Variants in KIAA0586 observed in about 807,000 individuals in gnomAD.
KIAA0586 encodes the protein protein TALPID3.
A neutral mutation model predicts 169.8 loss-of-function variants in KIAA0586; 144 were observed. That is an observed-to-expected ratio of 0.85 (90% CI 0.74 to 0.97). The LOEUF (loss-of-function observed/expected upper bound fraction) is 0.97. KIAA0586 is among the 50% of genes least tolerant of loss of function. The pLI, the probability that KIAA0586 is intolerant of heterozygous loss-of-function variation, is 0.00. For synonymous variants in KIAA0586, 625 were observed against 612.4 expected (o/e 1.02, Z -0.30); for missense variants, 1,854 against 1,823.0 (o/e 1.02, Z -0.31).
chr14:58,537,837 T>C (rs377684786), intron 29 of KIAA0586, among the ~76,000 whole-genome samples: 1,939 of 152,162 alleles, frequency 0.013, 42 homozygotes, highest in African/African-American at 0.041. Context: ...TTAGTAGAGA[T>C]GGGGTTTCAC....
chr14:58,471,033 G>A (rs1018823479), intron 17 of KIAA0586, among the ~76,000 whole-genome samples: 3 of 151,884 alleles, frequency 2.0e-5, no homozygotes, highest in Non-Finnish European at 2.9e-5. Flanking sequence ...TGTATTTTTA[G>A]TAGAGATGGG....
At chr14:58,494,910 G>C (rs1158136853) in intron 26 of KIAA0586, among the ~76,000 whole-genome samples, 2 of 152,160 alleles carry the variant, frequency 1.3e-5, no homozygotes, top group East Asian at 3.9e-4. Context: ...GGGGCAAGCA[G>C]TAATCTCAAA....
chr14:58,448,659 A>T (rs1794995028), intron 7 of KIAA0586, among the ~76,000 whole-genome samples, 166 bp downstream of exon 7: 1 of 151,950 alleles, frequency 6.6e-6, no homozygotes, highest in African/African-American at 2.4e-5. Context: ...TTCTTTTTTT[A>T]AAATTGTGTT....
intron 6 of KIAA0586, among the ~76,000 whole-genome samples, chr14:58,446,224 A>G (rs1184697007): frequency 1.3e-5 from 2 of 151,752 alleles, no homozygotes; most frequent in African/African-American, 2.4e-5. Context: ...GGCTGGGCAC[A>G]GTGGCTCATC....
chr14:58,547,155 TAAA>T (rs60672104), intron 30 of KIAA0586, among the ~76,000 whole-genome samples: 174 of 144,692 alleles, frequency 1.2e-3, no homozygotes, highest in African/African-American at 4.2e-3. Flanking sequence ...TTACCTCTTT[TAAA>T]AAAAAAAAAA....
intron 27 of KIAA0586, among the ~76,000 whole-genome samples, chr14:58,507,253 CATGTATGATTTATAT>C (rs769861860): frequency 2.7e-4 from 39 of 144,520 alleles, no homozygotes; most frequent in South Asian, 1.1e-3. Context: ...ATATATAAAT[CATGTATGATTTATAT>C]ATATGTATGA....
At chr14:58,430,493 G>T (rs1480291388) in intron 2 of KIAA0586, among the ~76,000 whole-genome samples, 155 bp from the exon 3 acceptor site, 1 of 152,060 alleles carries the variant, frequency 6.6e-6, no homozygotes, top group African/African-American at 2.4e-5. Flanking sequence ...GTAGCTTTAA[G>T]GTACATCAGA....
Position 58,427,745 on chromosome 14 carries a change from G to GT in KIAA0586, c.-519dup. ...CTGTTGTCAGATTACACCCACGACG[G>GT]TGCGGGTCTCGGGCGTTCTGGAGAT... On this transcript the variant is annotated 5_prime_UTR_variant, in exon 1 of 31. Coordinates refer to ENST00000652326, the MANE Select transcript of KIAA0586 (RefSeq NM_001329943.3). 6.5e-7 allele frequency: 1 copy of GT among 1,533,550 alleles called. No homozygotes were observed. Among genetic ancestry groups the GT allele is most frequent in the African/African-American group, 1.4e-5 (1 of 73,074 alleles). The allele number at this position is 1,533,550 out of a possible 1,614,324, so 95.0% of individuals were successfully genotyped here. A position where few individuals can be genotyped will look rare whatever the true frequency, so the allele number is the denominator to read the frequency against.
chr14:58,474,868 G>C (rs914864666), intron 19 of KIAA0586, 71 bp downstream of exon 19: 1 of 1,118,676 alleles, frequency 8.9e-7, no homozygotes, highest in Non-Finnish European at 1.3e-6. Flanking sequence ...TTAAAATGTG[G>C]CTGAAAATAT....
At chr14:58,508,516 C>A in intron 27 of KIAA0586, 39 bp from the exon 28 acceptor site, 1 of 1,435,378 alleles carries the variant, frequency 7.0e-7, no homozygotes, top group Non-Finnish European at 9.5e-7. Flanking sequence ...ATAAATTTAA[C>A]ACTTTATTTT....
intron 3 of KIAA0586, among the ~76,000 whole-genome samples, chr14:58,431,820 T>C (rs2037398256): frequency 1.3e-5 from 2 of 152,218 alleles, no homozygotes; most frequent in Non-Finnish European, 2.9e-5. Flanking sequence ...AATTTTATTT[T>C]TTGTGTGCCG....
intron 14 of KIAA0586, chr14:58,463,850 T>A (rs1344029122): frequency 3.8e-6 from 1 of 263,458 alleles, no homozygotes; most frequent in South Asian, 4.2e-5. Context: ...TTAGATACAT[T>A]AAAAAATTAG....
At chr14:58,539,809 C>T (rs1595539000) in intron 29 of KIAA0586, 2 of 281,178 alleles carry the variant, frequency 7.1e-6, no homozygotes, top group Non-Finnish European at 6.6e-6. Context: ...CAGATTTTCT[C>T]ATGACCCTTT....
chr14:58,460,839 G>T (rs553775708), intron 13 of KIAA0586, 147 bp from the exon 14 acceptor site: 1 of 472,242 alleles, frequency 2.1e-6, no homozygotes, highest in African/African-American at 2.0e-5. Context: ...CTGTTATCTA[G>T]AATTTAAGGG....
In KIAA0586 at chr14:58,495,370, C is replaced by T. The variant is rs1464187157; in HGVS notation, c.3990+3095C>T. 1.3e-5 allele frequency among the ~76,000 whole-genome samples: 2 copies of T among 151,946 alleles called. 1 individual carries two copies. Among genetic ancestry groups the T allele is most frequent in the African/African-American group, 4.8e-5 (2 of 41,336 alleles). On this transcript the variant is annotated intron_variant, in intron 26 of 30. Coordinates refer to ENST00000652326, the MANE Select transcript of KIAA0586 (RefSeq NM_001329943.3). Reference sequence around the variant, plus strand: ...TCAGGCTGGAGTGCAGTGGCTCAGTCAGCTCACTGCAGCCTCGAACTCTTG... The same window carrying T: ...TCAGGCTGGAGTGCAGTGGCTCAGTTAGCTCACTGCAGCCTCGAACTCTTG...
chr14:58,523,512 GATC>G (rs2139908394), intron 29 of KIAA0586, among the ~76,000 whole-genome samples: 1 of 151,934 alleles, frequency 6.6e-6, no homozygotes, highest in Non-Finnish European at 1.5e-5. Context: ...TAAACTATTA[GATC>G]AATTAGTAGC....
Position 58,459,892 on chromosome 14 carries a change from A to G in KIAA0586, c.1706A>G (p.Asn569Ser), listed in dbSNP as rs755695375. The G allele has an allele frequency of 2.0e-6, 3 of 1,533,932 alleles. No individual in the cohort carries two copies. The South Asian group carries it at 3.6e-5, about 18-fold the overall frequency. ...GAACAAAAAAGATTTGATCAGAAGA[A>G]TCAGAGAACCAAGAAAGGTCAGAAT... ...DYEQKRFDQK[N>S]QRTKKGQNMT... The change falls in exon 13 of 31, where the codon AAT becomes AGT. Residue 569 changes from asparagine (N) to serine (S), a missense_variant. Coordinates refer to ENST00000652326, the MANE Select transcript of KIAA0586 (RefSeq NM_001329943.3).
At chr14:58,518,793 C>A (rs1164843604) in intron 29 of KIAA0586, among the ~76,000 whole-genome samples, 1 of 152,238 alleles carries the variant, frequency 6.6e-6, no homozygotes, top group East Asian at 1.9e-4. Flanking sequence ...TTAACCCACT[C>A]TCTTCCCCTA....
At chr14:58,557,552 G>A in the KIAA0586 span, among the ~76,000 whole-genome samples, 1 of 152,188 alleles carries the variant, frequency 6.6e-6, no homozygotes, top group Admixed American at 6.5e-5. Context: ...GGCAGGGAGA[G>A]TACATTGTAG....
Sources: gnomAD v4.1 joint callset for allele counts (sites outside exome capture counted in the v4.1 genomes callset) on GRCh38, gnomAD v4.1.1 for gene constraint, MANE v1.5 for transcripts, NCBI Gene and HGNC (gene_info 2026-07-23, HGNC 2026-07-21) for gene names.